HHAT: variants seen among roughly 807,000 people sequenced by gnomAD.
HHAT encodes protein-cysteine N-palmitoyltransferase HHAT.
A neutral mutation model predicts 70.8 loss-of-function variants in HHAT; 47 were observed. The observed-to-expected ratio is 0.66, with a 90% confidence interval of 0.53 to 0.85. HHAT has a LOEUF of 0.85. Ranked by LOEUF, HHAT falls within the 40% of genes least tolerant of loss-of-function variation. HHAT has a pLI of 0.00. For synonymous variants in HHAT, 228 were observed against 247.6 expected (o/e 0.92, Z 0.74); for missense variants, 609 against 604.8 (o/e 1.01, Z -0.07).
At position 210,359,384 on chromosome 1, in the gene HHAT, T is replaced by C. The variant is rs114700604; in HGVS notation, c.92-3468T>C. Among the ~76,000 whole-genome samples, 559 of 152,244 alleles carry C rather than the reference T, an allele frequency of 3.7e-3. 2 individuals carry two copies. The highest frequency in any genetic ancestry group is 0.013 in the African/African-American group (535 of 41,554). Reference sequence around the variant, plus strand: ...CTAGAGGCCACAAGATTCTAAACCATCCCAATTGCTCCTAGGGAGAACATC... The same window carrying C: ...CTAGAGGCCACAAGATTCTAAACCACCCCAATTGCTCCTAGGGAGAACATC... On this transcript the variant is annotated intron_variant, in intron 2 of 11. Coordinates refer to ENST00000261458, the MANE Select transcript of HHAT (RefSeq NM_018194.6).
chr1:210,612,607 C>T (rs1666823261), intron 10 of HHAT, among the ~76,000 whole-genome samples: 1 of 152,160 alleles, frequency 6.6e-6, no homozygotes, highest in Non-Finnish European at 1.5e-5. Context: ...CTGCTGTGTA[C>T]ACTGGTGTAC....
chr1:210,488,192 A>G (rs2094501019), intron 8 of HHAT, among the ~76,000 whole-genome samples: 1 of 152,180 alleles, frequency 6.6e-6, no homozygotes, highest in South Asian at 2.1e-4. Flanking sequence ...AGGAAAATCT[A>G]TAAAGGTCAC....
intron 10 of HHAT, among the ~76,000 whole-genome samples, chr1:210,595,577 C>A (rs1662792247): frequency 6.6e-6 from 1 of 152,172 alleles, no homozygotes; most frequent in Non-Finnish European, 1.5e-5. Flanking sequence ...TTTACAGTCC[C>A]ACCATCAGTG....
intron 9 of HHAT, among the ~76,000 whole-genome samples, chr1:210,536,256 T>G (rs2095370996): frequency 1.3e-5 from 2 of 152,274 alleles, no homozygotes; most frequent in Non-Finnish European, 2.9e-5. Context: ...AATTTTACCA[T>G]CCTTCATCCA....
intron 11 of HHAT, among the ~76,000 whole-genome samples, chr1:210,655,526 A>C (rs1055321502): frequency 6.6e-6 from 1 of 152,222 alleles, no homozygotes; most frequent in Non-Finnish European, 1.5e-5. Flanking sequence ...CTGGAGGTGC[A>C]GAGGATACCC....
intron 10 of HHAT, among the ~76,000 whole-genome samples, chr1:210,614,516 CTCA>C (rs1442247352): frequency 2.6e-5 from 4 of 152,248 alleles, no homozygotes; most frequent in African/African-American, 9.6e-5. Context: ...CACCCATTAA[CTCA>C]TCATTTACAT....
At chr1:210,647,694 C>T (rs200704921) in intron 11 of HHAT, among the ~76,000 whole-genome samples, 4 of 152,112 alleles carry the variant, frequency 2.6e-5, no homozygotes, top group South Asian at 2.1e-4. Context: ...AACAAAAAGC[C>T]GAGGGTAAAT....
chr1:210,414,244 C>G (rs2092649808), intron 6 of HHAT, among the ~76,000 whole-genome samples: 1 of 152,184 alleles, frequency 6.6e-6, no homozygotes, highest in African/African-American at 2.4e-5. Context: ...TAATCCTAAT[C>G]ATGAAGGGTC....
At position 210,404,714 on chromosome 1, in the gene HHAT, A is replaced by T. The variant is rs116480428; in HGVS notation, c.684+35A>T. 4,375 of 1,549,802 alleles carry T rather than the reference A, an allele frequency of 2.8e-3. 107 individuals carry two copies. The African/African-American group carries it at 0.052, about 18-fold the overall frequency. On this transcript the variant is annotated intron_variant, in intron 6 of 11. Coordinates refer to ENST00000261458, the MANE Select transcript of HHAT (RefSeq NM_018194.6). ...GCTGGGGATGGGATTGGGATTCTAT[A>T]GCTTAAGCCTTTGTCGCTGTTGCTC...
Position 210,606,760 on chromosome 1 carries a change from G to A in HHAT, c.1246-16766G>A, listed in dbSNP as rs369160455. 3.9e-4 allele frequency among the ~76,000 whole-genome samples: 60 copies of A among 152,278 alleles called. 1 individual carries two copies. In the East Asian group the frequency reaches 9.7e-3, roughly 25 times the overall value. ...TTTGAGATCTTGTATTTTCAAAAAT[G>A]TCTTATTTTTACTCTCACACTTGAT... is the stretch of plus-strand genomic sequence containing the variant. On this transcript the variant is annotated intron_variant, in intron 10 of 11. Coordinates refer to ENST00000261458, the MANE Select transcript of HHAT (RefSeq NM_018194.6).
intron 7 of HHAT, among the ~76,000 whole-genome samples, chr1:210,450,806 A>G (rs943090951): frequency 6.6e-6 from 1 of 152,036 alleles, no homozygotes; most frequent in Non-Finnish European, 1.5e-5. Context: ...TTTCTCTTCT[A>G]CTTCCTACAC....
intron 3 of HHAT, among the ~76,000 whole-genome samples, chr1:210,375,767 A>G (rs1448520983): frequency 6.7e-6 from 1 of 149,692 alleles, no homozygotes; most frequent in Non-Finnish European, 1.5e-5. Context: ...TTTTGTTCTT[A>G]TATCAAGGGT....
At chr1:210,415,967 A>AT (rs149018942) in intron 6 of HHAT, among the ~76,000 whole-genome samples, 2,049 of 152,102 alleles carry the variant, frequency 0.013, 50 homozygotes, top group African/African-American at 0.047. Flanking sequence ...CCTAATTTAC[A>AT]TTTTAAAAGT....
intron 8 of HHAT, among the ~76,000 whole-genome samples, chr1:210,505,787 G>A (rs2094842815): frequency 6.6e-6 from 1 of 152,170 alleles, no homozygotes; most frequent in African/African-American, 2.4e-5. Context: ...CTAAATTTTG[G>A]TACATTGTCT....
At chr1:210,460,050 C>T (rs1301972926) in intron 7 of HHAT, among the ~76,000 whole-genome samples, 1 of 152,192 alleles carries the variant, frequency 6.6e-6, no homozygotes, top group African/African-American at 2.4e-5. Context: ...TTCATGTGGC[C>T]ACTCCGTGTG....
chr1:210,566,526 C>T (rs1227071521), intron 9 of HHAT, among the ~76,000 whole-genome samples: 1 of 152,012 alleles, frequency 6.6e-6, no homozygotes, highest in Non-Finnish European at 1.5e-5. Flanking sequence ...ACCCCAGGCT[C>T]CAGAAGCAGA....
At chr1:210,401,667 T>A (rs918031383) in intron 5 of HHAT, among the ~76,000 whole-genome samples, 2 of 152,192 alleles carry the variant, frequency 1.3e-5, no homozygotes, top group African/African-American at 4.8e-5. Flanking sequence ...CCTTTTAGCT[T>A]TATTTTTTTT....
intron 4 of HHAT, among the ~76,000 whole-genome samples, chr1:210,398,467 G>T (rs550278621): frequency 1.3e-5 from 2 of 152,274 alleles, no homozygotes; most frequent in East Asian, 3.9e-4. Flanking sequence ...CTGCCCCAAG[G>T]TGGCTTTGGA....
chr1:210,444,627 A>T (rs940402739), intron 7 of HHAT, among the ~76,000 whole-genome samples: 53 of 151,918 alleles, frequency 3.5e-4, no homozygotes, highest in Admixed American at 1.5e-3. Flanking sequence ...TTCTAGTTTA[A>T]TTGCGTAGAG....
Sources: allele counts gnomAD v4.1 joint callset (sites outside exome capture counted in the v4.1 genomes callset), GRCh38; gene constraint gnomAD v4.1.1; transcripts MANE v1.5; gene names NCBI Gene and HGNC (gene_info 2026-07-23, HGNC 2026-07-21).